Variants in CAPZA2 observed in about 807,000 individuals in gnomAD.
The protein encoded by CAPZA2 is capping actin protein of muscle Z-line subunit alpha 2.
CAPZA2 carries 13 observed loss-of-function variants against 44.0 expected under a neutral mutation model. That is an observed-to-expected ratio of 0.30 (90% CI 0.19 to 0.47). The LOEUF (loss-of-function observed/expected upper bound fraction) is 0.47, where lower values mean the gene tolerates loss of function less well. Among genes scored for constraint, CAPZA2 ranks in the 20% least tolerant of loss-of-function variants. The probability of loss-of-function intolerance (pLI) is 1.00; values close to 1 mark genes in which losing one functional copy is unlikely to be tolerated. For missense variants in CAPZA2, 244 were observed against 338.6 expected (o/e 0.72, Z 2.19); for synonymous variants, 94 against 108.2 (o/e 0.87, Z 0.81).
chr7:116,895,124 C>T (rs1796907878), intron 3 of CAPZA2, among the ~76,000 whole-genome samples: 2 of 152,040 alleles, frequency 1.3e-5, no homozygotes, highest in Admixed American at 6.5e-5. Context: ...GCAAAGGAAA[C>T]ATACAGCGTT....
intron 3 of CAPZA2, among the ~76,000 whole-genome samples, 199 bp from the exon 4 acceptor site, chr7:116,898,566 AAAGCTGG>A (rs1367041525): frequency 4.6e-5 from 7 of 152,292 alleles, no homozygotes; most frequent in African/African-American, 1.2e-4. Context: ...CTAAACATTG[AAAGCTGG>A]ACATCATTGT....
chr7:116,893,021 A>G lies in CAPZA2; in HGVS notation c.131A>G (p.Asn44Ser), dbSNP rs747056452. The G allele has an allele frequency of 1.3e-5, 21 of 1,599,224 alleles. No homozygotes were observed. Among genetic ancestry groups the G allele is most frequent in the Middle Eastern group, 1.6e-4 (1 of 6,064 alleles). ...GTTCGGTTACTGCTTAATAATGACA[A>G]TCTTCTCAGGGAAGGAGCAGCCCAG... ...NDVRLLLNNDNLLREGAAHAF... is the reference protein window; with the variant it reads ...NDVRLLLNNDSLLREGAAHAF... The change falls in exon 3 of 10, where the codon AAT becomes AGT. Residue 44 changes from asparagine (N) to serine (S), a missense_variant. Transcript: ENST00000361183.
intron 2 of CAPZA2, among the ~76,000 whole-genome samples, chr7:116,891,193 T>G (rs1455924015): frequency 6.6e-6 from 1 of 152,238 alleles, no homozygotes; most frequent in African/African-American, 2.4e-5. Context: ...TTTCTTCTAC[T>G]CTTCTTATGA....
chr7:116,889,394 T>A (rs1796802361), intron 2 of CAPZA2, among the ~76,000 whole-genome samples: 1 of 152,156 alleles, frequency 6.6e-6, no homozygotes, highest in South Asian at 2.1e-4. Flanking sequence ...TAGTTAAATG[T>A]TTTTTAAGAA....
intron 4 of CAPZA2, among the ~76,000 whole-genome samples, chr7:116,902,362 A>G (rs1238707017): frequency 2.6e-5 from 4 of 152,032 alleles, no homozygotes; most frequent in Non-Finnish European, 4.4e-5. Context: ...ATCTTAAAGA[A>G]CTCTTATAAA....
chr7:116,890,509 T>TA lies in CAPZA2; in HGVS notation c.103+2336dup, dbSNP rs1159101707. ...AACATGGTGAAACCCTGTCTCTACT[T>TA]AAAAAAAAAAAAAAAAATATATATA... On this transcript the variant is annotated intron_variant, in intron 2 of 9. Coordinates refer to ENST00000361183, the MANE Select transcript of CAPZA2 (RefSeq NM_006136.3). Among the ~76,000 whole-genome samples the TA allele has an allele frequency of 1.6e-3, 47 of 29,216 alleles. 4 individuals carry two copies. Among genetic ancestry groups the TA allele is most frequent in the Admixed American group, 3.7e-3 (7 of 1,884 alleles). 19.2% of individuals were successfully genotyped at this position (29,216 alleles called of 152,430 possible).
Position 116,912,743 on chromosome 7 carries a change from G to A in CAPZA2, c.657+603G>A, listed in dbSNP as rs561712001. ...CATTCTTCAGTTAATGGACATTTCT[G>A]TGTTCTACTTTTTGCTGCTGTGAAC... On this transcript the variant is annotated intron_variant, in intron 8 of 9. Transcript: ENST00000361183. 1.4e-4 allele frequency among the ~76,000 whole-genome samples: 21 copies of A among 152,198 alleles called. No homozygotes were observed. The South Asian group carries it at 3.7e-3, about 27-fold the overall frequency.
intron 1 of CAPZA2, among the ~76,000 whole-genome samples, chr7:116,883,472 C>A (rs1562958690): frequency 6.6e-6 from 1 of 152,168 alleles, no homozygotes; most frequent in Non-Finnish European, 1.5e-5. Context: ...CCTGAGAAAT[C>A]CAAAGGTCAG....
intron 5 of CAPZA2, among the ~76,000 whole-genome samples, chr7:116,905,088 G>A (rs1286327725): frequency 6.8e-6 from 1 of 147,592 alleles, no homozygotes; most frequent in Non-Finnish European, 1.5e-5. Flanking sequence ...GCAGTGAGCC[G>A]AGATTGCGCC....
At chr7:116,878,890 G>A (rs1443657996) in intron 1 of CAPZA2, among the ~76,000 whole-genome samples, 1 of 151,828 alleles carries the variant, frequency 6.6e-6, no homozygotes, top group East Asian at 1.9e-4. Flanking sequence ...CACTTTGGGA[G>A]GCCAAGGCTG....
In CAPZA2 at chr7:116,921,727, G is replaced by A. The variant is rs1791773000; in HGVS notation, c.*3860G>A. On this transcript the variant is annotated 3_prime_UTR_variant, in exon 10 of 10. Coordinates refer to ENST00000361183, the MANE Select transcript of CAPZA2 (RefSeq NM_006136.3). Reference sequence around the variant, plus strand: ...TAAGAAGTGGTGATTGGAGAATGGTGTGCTTAATTAAAATTGAGGTTTTGA... The same window carrying A: ...TAAGAAGTGGTGATTGGAGAATGGTATGCTTAATTAAAATTGAGGTTTTGA... 6.6e-6 allele frequency: 1 copy of A among 152,298 alleles called. No individual in the cohort carries two copies. Among genetic ancestry groups the A allele is most frequent in the South Asian group, 2.1e-4 (1 of 4,816 alleles). 9.4% of individuals were successfully genotyped at this position (152,298 alleles called of 1,614,324 possible). A position where few individuals can be genotyped will look rare whatever the true frequency, so the allele number is the denominator to read the frequency against.
chr7:116,883,373 A>AT (rs1290248735), intron 1 of CAPZA2, among the ~76,000 whole-genome samples: 1 of 152,208 alleles, frequency 6.6e-6, no homozygotes, highest in Non-Finnish European at 1.5e-5. Context: ...GTAGCAGTGG[A>AT]TAAAAAATAC....
At chr7:116,895,969 A>T (rs142340648) in intron 3 of CAPZA2, among the ~76,000 whole-genome samples, 1 of 152,260 alleles carries the variant, frequency 6.6e-6, no homozygotes, top group East Asian at 1.9e-4. Flanking sequence ...AAAACTACGT[A>T]ACAAAAGCTT....
At chr7:116,914,766 A>G (rs769253267) in intron 8 of CAPZA2, among the ~76,000 whole-genome samples, 2 of 152,294 alleles carry the variant, frequency 1.3e-5, no homozygotes, top group South Asian at 4.1e-4. Context: ...CCCTGAAGCT[A>G]TCTTTTAAAA....
chr7:116,898,736 T>C lies in CAPZA2; in HGVS notation c.156-36T>C, dbSNP rs201760885. The C allele has an allele frequency of 3.0e-4, 412 of 1,390,562 alleles. No individual in the cohort carries two copies. The African/African-American group carries it at 5.6e-3, about 19-fold the overall frequency. 86.1% of individuals were successfully genotyped at this position (1,390,562 alleles called of 1,614,324 possible). A position where few individuals can be genotyped will look rare whatever the true frequency, so the allele number is the denominator to read the frequency against. On this transcript the variant is annotated intron_variant, in intron 3 of 9. Transcript: ENST00000361183. ...CATTGTTTTTAAAAAACATTAAATA[T>C]ATAATTTTAAGTAATTGCCATTTTC...
At chr7:116,872,241 G>A (rs1796562919) in intron 1 of CAPZA2, among the ~76,000 whole-genome samples, 1 of 151,882 alleles carries the variant, frequency 6.6e-6, no homozygotes, top group African/African-American at 2.4e-5. Flanking sequence ...AACATTCTAG[G>A]GTGTATAAGG....
At chr7:116,895,460 G>A (rs1796912118) in intron 3 of CAPZA2, among the ~76,000 whole-genome samples, 1 of 151,962 alleles carries the variant, frequency 6.6e-6, no homozygotes. Flanking sequence ...CCAAATTTCT[G>A]GAACAGCTGT....
intron 2 of CAPZA2, among the ~76,000 whole-genome samples, chr7:116,892,655 C>T (rs1231136109): frequency 6.6e-6 from 1 of 151,300 alleles, no homozygotes; most frequent in African/African-American, 2.4e-5. Flanking sequence ...AAAAAAAAAA[C>T]TCACGATGTT....
intron 7 of CAPZA2, 121 bp downstream of exon 7, chr7:116,910,432 G>T: frequency 1.6e-6 from 1 of 613,632 alleles, no homozygotes; most frequent in Non-Finnish European, 2.9e-6. Context: ...TTGTTTTGGG[G>T]TAATGGGAAA....
Sources: allele counts gnomAD v4.1 joint callset (sites outside exome capture counted in the v4.1 genomes callset), GRCh38; gene constraint gnomAD v4.1.1; transcripts MANE v1.5; gene names NCBI Gene and HGNC (gene_info 2026-07-23, HGNC 2026-07-21).